MCRS1: variants seen among roughly 807,000 people sequenced by gnomAD.
MCRS1 encodes 58 kDa microspherule protein.
In MCRS1, 22 loss-of-function variants were observed where a neutral mutation model predicts 62.9. The ratio of observed to expected loss-of-function variants is 0.35; its 90% CI spans 0.25 to 0.50. The LOEUF (loss-of-function observed/expected upper bound fraction) is 0.50, where lower values mean the gene tolerates loss of function less well. Among genes scored for constraint, MCRS1 ranks in the 20% least tolerant of loss-of-function variants. MCRS1 has a pLI of 0.98. For synonymous variants in MCRS1, 244 were observed against 233.5 expected (o/e 1.04, Z -0.41); for missense variants, 456 against 601.1 (o/e 0.76, Z 2.52).
rs1939016353 is a variant in MCRS1 at position 49,565,613 on chromosome 12, T to C, written c.204A>G (p.Lys68=). Residue 68 remains lysine, a synonymous_variant, in exon 4 of 15, where the codon AAA becomes AAG. Transcript: ENST00000343810. ...TGGCCCCCTTTGCCCGGGTAGAAGA[T>C]TTTGCCAGGCTGCTCTCCACCAGCT... ...DDELVESSLA[K]SSTRAKGASG... is the part of the protein sequence containing the mutation. 1.9e-6 allele frequency: 3 copies of C among 1,613,850 alleles called. No homozygotes were observed. Among genetic ancestry groups the C allele is most frequent in the Non-Finnish European group, 2.5e-6 (3 of 1,179,892 alleles).
In MCRS1 at chr12:49,558,726, C is replaced by A. The variant is rs1364884717; in HGVS notation, c.1306G>T (p.Ala436Ser). Residue 436 changes from alanine to serine, a missense_variant, in exon 15 of 15, where the codon GCC (alanine) becomes TCC (serine). Around this residue, in one of 3 missense-constraint regions of MCRS1, gnomAD observed 393 missense variants for 523.5 expected, o/e 0.75. Coordinates refer to ENST00000343810, the MANE Select transcript of MCRS1 (RefSeq NM_006337.5). Reference protein sequence around the residue: ...RLSNNSVVEIASLRFVFLINQ... With the variant: ...RLSNNSVVEISSLRFVFLINQ... ...ATAAGGAAGACGAATCGCAGGCTGG[C>A]GATCTGGGTGGGAGACAAAGGTGGC... 4 of 1,613,846 alleles carry A rather than the reference C, an allele frequency of 2.5e-6. No individual in the cohort carries two copies. The East Asian group carries it at 8.9e-5, about 36-fold the overall frequency.
intron 3 of MCRS1, 80 bp downstream of exon 3, chr12:49,565,997 A>C: frequency 6.5e-7 from 1 of 1,540,204 alleles, no homozygotes; most frequent in Non-Finnish European, 8.8e-7. Context: ...GCCATTCCCA[A>C]CAGATGGGGA....
At position 49,562,991 on chromosome 12, in the gene MCRS1, G is replaced by A. The variant is rs1322744323; in HGVS notation, c.805+10C>T. ...ACACACCCCCATTCTGCCAGCTCCTGGGGCGTTACCTGTCTGGTCCTCCAG... is the reference window on the plus strand; with the variant it reads ...ACACACCCCCATTCTGCCAGCTCCTAGGGCGTTACCTGTCTGGTCCTCCAG... On this transcript the variant is annotated intron_variant, in intron 8 of 14. Coordinates refer to ENST00000343810, the MANE Select transcript of MCRS1 (RefSeq NM_006337.5). 2 of 1,597,838 alleles carry A rather than the reference G, an allele frequency of 1.3e-6. No individual in the cohort carries two copies. Among genetic ancestry groups the A allele is most frequent in the East Asian group, 2.2e-5 (1 of 44,620 alleles).
At chr12:49,562,588 A>G (rs1938826973) in intron 8 of MCRS1, among the ~76,000 whole-genome samples, 1 of 152,216 alleles carries the variant, frequency 6.6e-6, no homozygotes, top group South Asian at 2.1e-4. Context: ...AGCTCAGAAA[A>G]AGTGGTTATT....
At chr12:49,560,419 C>T (rs763514803) in intron 8 of MCRS1, 49 bp from the exon 9 acceptor site, 7 of 1,566,358 alleles carry the variant, frequency 4.5e-6, no homozygotes, top group Admixed American at 3.3e-5. Context: ...TTGCTGAACC[C>T]GATGCTGAGC....
intron 2 of MCRS1, 89 bp from the exon 3 acceptor site, chr12:49,566,304 G>T: frequency 6.8e-7 from 1 of 1,464,606 alleles, no homozygotes; most frequent in Non-Finnish European, 9.3e-7. Context: ...TCCCCTGCCA[G>T]CCCTCTTGGC....
chr12:49,560,712 G>T (rs536373208), intron 8 of MCRS1, among the ~76,000 whole-genome samples: 1 of 152,152 alleles, frequency 6.6e-6, no homozygotes, highest in Non-Finnish European at 1.5e-5. Flanking sequence ...ACAGGAGAGG[G>T]GTTAAACTAT....
chr12:49,564,970 C>T (rs1938976187), intron 4 of MCRS1, 75 bp from the exon 5 acceptor site: 2 of 1,499,152 alleles, frequency 1.3e-6, no homozygotes, highest in Admixed American at 2.3e-5. Flanking sequence ...TAGAGTTTCA[C>T]ATACTCTGTG....
Position 49,559,364 on chromosome 12 carries a change from C to T in MCRS1, c.1087-63G>A, listed in dbSNP as rs1467244385. The T allele has an allele frequency of 6.2e-7, 1 of 1,605,816 alleles. No individual in the cohort carries two copies. The highest frequency in any genetic ancestry group is 1.3e-5 in the African/African-American group (1 of 74,726). On this transcript the variant is annotated intron_variant, in intron 12 of 14. Transcript: ENST00000343810. This position sits in a 1 kb window ranked among gnomAD's most constrained non-coding sequence, Gnocchi z 5.2. ...AATTGGGGGAGTAGGTCTATGCAGG[C>T]CAGAGAAAGATGGGAAACCAAGGAC...
chr12:49,560,318 G>A lies in MCRS1; in HGVS notation c.858C>T (p.Asp286=), dbSNP rs1237822380. 1 of 1,614,206 alleles carries A rather than the reference G, an allele frequency of 6.2e-7. No individual in the cohort carries two copies. The highest frequency in any genetic ancestry group is 2.2e-5 in the East Asian group (1 of 44,882). ...ACTTGAGCTTACTGTCATCAATCAG[G>A]TCCTCTGCATCAGAGAAGTTCAGCA... is the stretch of plus-strand genomic sequence containing the variant. ...DQVLNFSDAE[D]LIDDSKLKDM... Residue 286 remains aspartate, a synonymous_variant, in exon 9 of 15, where the codon GAC becomes GAT. Coordinates refer to ENST00000343810, the MANE Select transcript of MCRS1 (RefSeq NM_006337.5).
chr12:49,561,900 G>A (rs1363080405), intron 8 of MCRS1, among the ~76,000 whole-genome samples: 1 of 152,228 alleles, frequency 6.6e-6, no homozygotes, highest in African/African-American at 2.4e-5. Flanking sequence ...TTACAGGCGT[G>A]AGCCACCATG....
At chr12:49,560,178 C>T (rs1938688147) in intron 9 of MCRS1, 117 bp downstream of exon 9, 2 of 1,273,196 alleles carry the variant, frequency 1.6e-6, no homozygotes, top group Non-Finnish European at 2.3e-6. Flanking sequence ...GGGGCTCAGC[C>T]AGGGGGGGCC....
rs1368058878 is a variant in MCRS1 at position 49,558,983 on chromosome 12, A to G, written c.1175-13T>C. The G allele has an allele frequency of 6.2e-7, 1 of 1,610,464 alleles. No homozygotes were observed. Among genetic ancestry groups the G allele is most frequent in the Non-Finnish European group, 8.5e-7 (1 of 1,179,812 alleles). On this transcript the variant is annotated splice_polypyrimidine_tract_variant and intron_variant, in intron 13 of 14. Coordinates refer to ENST00000343810, the MANE Select transcript of MCRS1 (RefSeq NM_006337.5). ...AGCTTGATGACACCTGTGGAAGCAG[A>G]AAGAAAGAAGGGATGATGGGATGGG...
chr12:49,560,472 G>A, intron 8 of MCRS1, 102 bp from the exon 9 acceptor site: 1 of 1,031,840 alleles, frequency 9.7e-7, no homozygotes, highest in Non-Finnish European at 1.5e-6. Context: ...TGCGCTGGGT[G>A]GAGAGCCCAG....
chr12:49,566,331 T>G, intron 2 of MCRS1, 116 bp from the exon 3 acceptor site: 1 of 1,562,160 alleles, frequency 6.4e-7, no homozygotes, highest in Non-Finnish European at 8.7e-7. Flanking sequence ...CCTGCCTCCT[T>G]GACACTTGAG....
At chr12:49,565,282 C>A in intron 4 of MCRS1, 2 of 985,382 alleles carry the variant, frequency 2.0e-6, no homozygotes, top group Non-Finnish European at 2.4e-6. Context: ...AGAATAGATG[C>A]ATGCTCCATG....
Position 49,559,379 on chromosome 12 carries a change from A to G in MCRS1, c.1086+74T>C, listed in dbSNP as rs751302296. On this transcript the variant is annotated intron_variant, in intron 12 of 14. Transcript: ENST00000343810. The surrounding 1 kb of genome is among the most constrained non-coding windows in gnomAD (Gnocchi z 5.2). ...TCTATGCAGGCCAGAGAAAGATGGG[A>G]AACCAAGGACTACGCAGAGAAAGGC... The G allele has an allele frequency of 1.9e-6, 3 of 1,609,586 alleles. No homozygotes were observed. In the Admixed American group the frequency reaches 5.0e-5, roughly 27 times the overall value.
At chr12:49,561,531 A>T (rs1938767513) in intron 8 of MCRS1, among the ~76,000 whole-genome samples, 1 of 152,268 alleles carries the variant, frequency 6.6e-6, no homozygotes, top group Admixed American at 6.5e-5. Context: ...GGAGAAATCA[A>T]ATCCCTTTTG....
chr12:49,563,636 T>C (rs1165063094), intron 6 of MCRS1, 90 bp from the exon 7 acceptor site: 32 of 959,014 alleles, frequency 3.3e-5, no homozygotes, highest in South Asian at 2.6e-4. Flanking sequence ...CTACAGGCTT[T>C]TGAGATCCAG....
Sources: allele counts gnomAD v4.1 joint callset (sites outside exome capture counted in the v4.1 genomes callset), GRCh38; gene constraint gnomAD v4.1.1; regional missense constraint gnomAD v4.1.1; non-coding constraint Gnocchi (gnomAD v3.1); transcripts MANE v1.5; gene names NCBI Gene and HGNC (gene_info 2026-07-23, HGNC 2026-07-21).